Variants in MAGI2 observed in about 807,000 individuals in gnomAD.
The protein encoded by MAGI2 is membrane associated guanylate kinase, WW and PDZ domain containing 2.
In MAGI2, 35 loss-of-function variants were observed where a neutral mutation model predicts 133.3. The ratio of observed to expected loss-of-function variants is 0.26; its 90% CI spans 0.20 to 0.35. The LOEUF (loss-of-function observed/expected upper bound fraction) is 0.35. MAGI2 is among the 10% of genes least tolerant of loss of function. The pLI is 1.00. For missense variants in MAGI2, 1,636 were observed against 1,863.4 expected (o/e 0.88, Z 2.25); for synonymous variants, 729 against 710.6 (o/e 1.03, Z -0.41).
intron 6 of MAGI2, among the ~76,000 whole-genome samples, chr7:78,417,045 C>T (rs752451294): frequency 1.3e-5 from 2 of 152,058 alleles, no homozygotes; most frequent in Non-Finnish European, 2.9e-5. Context: ...CCTCACTTTT[C>T]TTGCAAATAA....
chr7:78,660,109 C>T (rs1812774574), intron 2 of MAGI2, among the ~76,000 whole-genome samples: 1 of 122,506 alleles, frequency 8.2e-6, no homozygotes, highest in East Asian at 2.8e-4. Context: ...ACATCACACA[C>T]TGGGTCCTGT....
At chr7:78,972,755 T>A (rs773849982) in intron 2 of MAGI2, among the ~76,000 whole-genome samples, 8 of 151,924 alleles carry the variant, frequency 5.3e-5, no homozygotes, top group Non-Finnish European at 7.4e-5. Flanking sequence ...TGGTATTGTA[T>A]AACCATAGCA....
intron 1 of MAGI2, among the ~76,000 whole-genome samples, chr7:79,428,146 T>C (rs1847524208): frequency 6.6e-6 from 1 of 152,126 alleles, no homozygotes; most frequent in South Asian, 2.1e-4. Context: ...AGGGCATACA[T>C]GTGGAAATGT....
At chr7:78,460,216 G>T (rs1789816995) in intron 6 of MAGI2, among the ~76,000 whole-genome samples, 1 of 152,188 alleles carries the variant, frequency 6.6e-6, no homozygotes, top group African/African-American at 2.4e-5. Context: ...TTAGCCAAAA[G>T]GTCTGCTGGC....
Position 78,019,277 on chromosome 7 carries a change from C to G in MAGI2, c.*38G>C. ...TGAGACGGAACCTAAGAAGAACTGC[C>G]TGCGCCGGGGCGGGCGGGTTGGCCG... On this transcript the variant is annotated 3_prime_UTR_variant, in exon 22 of 22. Coordinates refer to ENST00000354212, the MANE Select transcript of MAGI2 (RefSeq NM_012301.4). 1 of 1,575,040 alleles carries G rather than the reference C, an allele frequency of 6.3e-7. No individual in the cohort carries two copies. Among genetic ancestry groups the G allele is most frequent in the African/African-American group, 1.4e-5 (1 of 73,836 alleles).
intron 2 of MAGI2, among the ~76,000 whole-genome samples, chr7:78,817,285 T>C (rs1789670675): frequency 6.6e-6 from 1 of 152,220 alleles, no homozygotes; most frequent in Non-Finnish European, 1.5e-5. Context: ...CTGGTGAAGA[T>C]GCTGTCAACA....
intron 9 of MAGI2, among the ~76,000 whole-genome samples, chr7:78,282,397 C>CAAAT (rs994040885): frequency 2.0e-5 from 3 of 152,084 alleles, no homozygotes; most frequent in African/African-American, 7.2e-5. Flanking sequence ...CCTATTTTTG[C>CAAAT]AAATAAAGTT....
At chr7:78,757,966 A>G (rs913034196) in intron 2 of MAGI2, among the ~76,000 whole-genome samples, 1 of 152,142 alleles carries the variant, frequency 6.6e-6, no homozygotes, top group African/African-American at 2.4e-5. Flanking sequence ...GATGACAAAT[A>G]AGCATGGCAA....
At chr7:78,553,657 C>A (rs1175974247) in intron 3 of MAGI2, among the ~76,000 whole-genome samples, 2 of 152,176 alleles carry the variant, frequency 1.3e-5, no homozygotes, top group Non-Finnish European at 2.9e-5. Flanking sequence ...GTCCTGGGTG[C>A]TAGATACATC....
At chr7:78,348,350 T>C (rs1791133939) in intron 7 of MAGI2, 1 of 152,220 alleles carries the variant, frequency 6.6e-6, no homozygotes, top group Non-Finnish European at 1.5e-5. Context: ...TTGTTTACAA[T>C]GTTTACAATG....
chr7:79,171,743 A>ATATATATATATATAT lies in MAGI2; in HGVS notation c.302-164538_302-164537insATATATATATATATA, dbSNP rs1554394140. 6.9e-3 allele frequency among the ~76,000 whole-genome samples: 204 copies of ATATATATATATATAT among 29,474 alleles called. 72 individuals carry two copies. Among genetic ancestry groups the ATATATATATATATAT allele is most frequent in the Non-Finnish European group, 0.015 (117 of 7,912 alleles). 19.3% of individuals were successfully genotyped at this position (29,474 alleles called of 152,430 possible). Reference sequence around the variant, plus strand: ...AAAATTAAGCAAGACAATAGCCAAAAATATATATATATATATATATATATA... The same window carrying ATATATATATATATAT: ...AAAATTAAGCAAGACAATAGCCAAAATATATATATATATATATATATATATATATATATATATATA... On this transcript the variant is annotated intron_variant, in intron 1 of 21. Transcript: ENST00000354212.
chr7:78,908,991 C>A (rs1798181025), intron 2 of MAGI2, among the ~76,000 whole-genome samples: 1 of 151,910 alleles, frequency 6.6e-6, no homozygotes, highest in African/African-American at 2.4e-5. Flanking sequence ...AGAGTTTCTG[C>A]ACAGCAAAAG....
At position 78,668,524 on chromosome 7, in the gene MAGI2, T is replaced by G. The variant is rs537093079; in HGVS notation, c.419-41285A>C. Among the ~76,000 whole-genome samples, 4 of 151,652 alleles carry G rather than the reference T, an allele frequency of 2.6e-5. No individual in the cohort carries two copies. In the East Asian group the frequency reaches 7.7e-4, roughly 29 times the overall value. On this transcript the variant is annotated intron_variant, in intron 2 of 21. Transcript: ENST00000354212. ...TTTTCTTCTAGGGTTTTTATGGTTT[T>G]AGGTCTAATGTTTAAGTCTTTAATC...
intron 2 of MAGI2, among the ~76,000 whole-genome samples, chr7:78,910,282 A>T (rs1348547121): frequency 8.0e-5 from 6 of 75,198 alleles, no homozygotes; most frequent in African/African-American, 5.2e-4. Context: ...TTTTTTTTTT[A>T]AAGGAAAAAG....
intron 1 of MAGI2, among the ~76,000 whole-genome samples, chr7:79,232,672 ATTC>A (rs1317036087): frequency 2.5e-5 from 3 of 122,224 alleles, no homozygotes; most frequent in African/African-American, 9.8e-5. Flanking sequence ...TGTCTATTTG[ATTC>A]TTCTCTCTTT....
At chr7:79,452,566 C>T (rs993073135) in intron 1 of MAGI2, among the ~76,000 whole-genome samples, 2 of 152,166 alleles carry the variant, frequency 1.3e-5, no homozygotes, top group African/African-American at 4.8e-5. Context: ...GTTCTCCGCT[C>T]ACCCCACCAC....
At chr7:78,307,794 A>G (rs866615865) in intron 9 of MAGI2, among the ~76,000 whole-genome samples, 66 of 152,282 alleles carry the variant, frequency 4.3e-4, no homozygotes, top group African/African-American at 1.5e-3. Flanking sequence ...CTCTACTTCT[A>G]TATATGATTA....
chr7:78,961,787 T>C (rs1217268229), intron 2 of MAGI2, among the ~76,000 whole-genome samples: 2 of 152,108 alleles, frequency 1.3e-5, no homozygotes, highest in Admixed American at 6.6e-5. Context: ...AAAGGGGATA[T>C]ATCTGAGAAA....
rs182430176 is a variant in MAGI2 at position 78,651,166 on chromosome 7, T to C, written c.419-23927A>G. On this transcript the variant is annotated intron_variant, in intron 2 of 21. Transcript: ENST00000354212. ...CCATGAGGCTTTGAAGTAGTTTTGA[T>C]CCAGTAGTAGTATTTCTACTGTAAT... 1.7e-3 allele frequency among the ~76,000 whole-genome samples: 265 copies of C among 152,234 alleles called. 1 individual carries two copies. Among genetic ancestry groups the C allele is most frequent in the South Asian group, 8.9e-3 (43 of 4,828 alleles).
Sources: allele counts gnomAD v4.1 joint callset (sites outside exome capture counted in the v4.1 genomes callset), GRCh38; gene constraint gnomAD v4.1.1; transcripts MANE v1.5; gene names NCBI Gene and HGNC (gene_info 2026-07-23, HGNC 2026-07-21).